ABI3BP: variants seen among roughly 807,000 people sequenced by gnomAD.
ABI3BP encodes the protein ABI family member 3 binding protein.
In ABI3BP, 216 loss-of-function variants were observed where a neutral mutation model predicts 268.6. The observed-to-expected ratio is 0.80, with a 90% CI of 0.72 to 0.90. The LOEUF is 0.90. Among genes scored for constraint, ABI3BP ranks in the 40% least tolerant of loss-of-function variants. The probability of loss-of-function intolerance (pLI) is 0.00; values close to 1 mark genes in which losing one functional copy is unlikely to be tolerated. For synonymous variants in ABI3BP, 730 were observed against 730.0 expected (o/e 1.00, Z 0.00); for missense variants, 2,090 against 2,182.4 (o/e 0.96, Z 0.84).
At chr3:100,812,603 GT>G in intron 45 of ABI3BP, 80 bp from the exon 46 acceptor site, 1 of 896,216 alleles carries the variant, frequency 1.1e-6, no homozygotes, top group Non-Finnish European at 1.5e-6. Flanking sequence ...TCCAGTAAGT[GT>G]TCAATGTTAA....
chr3:100,765,106 G>GAAA lies in ABI3BP; in HGVS notation c.4850+732_4850+734dup, dbSNP rs33912702. 8.3e-3 allele frequency among the ~76,000 whole-genome samples: 1,189 copies of GAAA among 143,636 alleles called. 9 individuals are homozygous for GAAA. Among genetic ancestry groups the GAAA allele is most frequent in the African/African-American group, 0.012 (450 of 39,104 alleles). The allele number at this position is 143,636 out of a possible 152,430, so 94.2% of individuals were successfully genotyped here. ...CAATTGATGACAATGTGAACATTAT[G>GAAA]AAAAAAAAAAAAAACTTGGAACTTC... On this transcript the variant is annotated intron_variant, in intron 63 of 67. Coordinates refer to ENST00000471714, the MANE Select transcript of ABI3BP (RefSeq NM_001375547.2).
Position 100,818,535 on chromosome 3 carries a change from T to C in ABI3BP, c.3078A>G (p.Pro1026=). 1.3e-6 allele frequency: 2 copies of C among 1,535,392 alleles called. No homozygotes were observed. Among genetic ancestry groups the C allele is most frequent in the South Asian group, 1.2e-5 (1 of 84,042 alleles). The change falls in exon 41 of 68, where the codon CCA becomes CCG. Residue 1026 remains proline (P), a synonymous_variant. Coordinates refer to ENST00000471714, the MANE Select transcript of ABI3BP (RefSeq NM_001375547.2). ...LEPGTLRTEA[P]KTMVVTTVLE... ...ACACATTCTCATTACCCATGGTTTT[T>C]GGAGCTTCAGTTCTGAGAGTACCAG...
Position 100,816,070 on chromosome 3 carries a change from A to AT in ABI3BP, c.3230-100dup, listed in dbSNP as rs532183840. 7.8e-4 allele frequency: 743 copies of AT among 947,254 alleles called. 5 individuals are homozygous for AT. The African/African-American group carries it at 0.011, about 14-fold the overall frequency. 58.7% of individuals were successfully genotyped at this position (947,254 alleles called of 1,614,324 possible). On this transcript the variant is annotated intron_variant, in intron 43 of 67. Transcript: ENST00000471714. Reference sequence around the variant, plus strand: ...AAACATGAGTTTCAAATGATACACAATTTTTTAAAACTTTTGAATTGATAG... The same window carrying AT: ...AAACATGAGTTTCAAATGATACACAATTTTTTTAAAACTTTTGAATTGATAG...
At chr3:100,876,048 A>T (rs2099158401) in intron 7 of ABI3BP, among the ~76,000 whole-genome samples, 1 of 152,206 alleles carries the variant, frequency 6.6e-6, no homozygotes, top group African/African-American at 2.4e-5. Context: ...TGTCTCTTCT[A>T]CCAAGAAACT....
intron 2 of ABI3BP, among the ~76,000 whole-genome samples, chr3:100,924,045 C>T (rs998553611): frequency 2.0e-5 from 3 of 152,038 alleles, no homozygotes; most frequent in Non-Finnish European, 4.4e-5. Context: ...TCTAATACAG[C>T]CTCTAGATCT....
chr3:100,811,158 AC>A, intron 48 of ABI3BP, 71 bp downstream of exon 48: 1 of 1,285,660 alleles, frequency 7.8e-7, no homozygotes, highest in Non-Finnish European at 1.1e-6. Flanking sequence ...AATGAGAGAG[AC>A]CCAGAGGTTC....
chr3:100,856,068 C>A (rs1476400310), intron 14 of ABI3BP, among the ~76,000 whole-genome samples: 1 of 152,220 alleles, frequency 6.6e-6, no homozygotes, highest in African/African-American at 2.4e-5. Flanking sequence ...CTCAAAGCAT[C>A]AACACCACAA....
chr3:100,986,940 C>G (rs1157496836), intron 1 of ABI3BP, among the ~76,000 whole-genome samples: 1 of 151,494 alleles, frequency 6.6e-6, no homozygotes, highest in Non-Finnish European at 1.5e-5. Flanking sequence ...TAGCATGTTC[C>G]TTCTTTAGCT....
Position 100,956,214 on chromosome 3 carries a change from A to AACAC in ABI3BP, c.80-29737_80-29734dup, listed in dbSNP as rs58723365. Among the ~76,000 whole-genome samples, 934 of 133,724 alleles carry AACAC rather than the reference A, an allele frequency of 7.0e-3. 17 individuals are homozygous for AACAC. Among genetic ancestry groups the AACAC allele is most frequent in the Admixed American group, 0.028 (368 of 13,252 alleles). The allele number at this position is 133,724 out of a possible 152,430, so 87.7% of individuals were successfully genotyped here. Reference sequence around the variant, plus strand: ...TGTCTCAAAAAAAAAAAAGAAAAACAACACACACACACACACACACACACA... The same window carrying AACAC: ...TGTCTCAAAAAAAAAAAAGAAAAACAACACACACACACACACACACACACACACA... On this transcript the variant is annotated intron_variant, in intron 1 of 67. Transcript: ENST00000471714.
intron 2 of ABI3BP, among the ~76,000 whole-genome samples, chr3:100,917,792 A>C (rs2059077840): frequency 6.6e-6 from 1 of 152,204 alleles, no homozygotes; most frequent in African/African-American, 2.4e-5. Flanking sequence ...TTATCATTTG[A>C]AGTCAAGCAG....
intron 2 of ABI3BP, chr3:100,912,175 C>G (rs533463157): frequency 3.3e-6 from 1 of 301,552 alleles, no homozygotes; most frequent in Non-Finnish European, 6.1e-6. Flanking sequence ...TCTTACCCTT[C>G]GTGCTGCCGT....
chr3:100,928,335 T>C (rs765812605), intron 1 of ABI3BP, among the ~76,000 whole-genome samples: 19 of 152,114 alleles, frequency 1.2e-4, no homozygotes, highest in Non-Finnish European at 2.6e-4. Context: ...CTATTTCTCA[T>C]TAATCAAAGA....
At chr3:100,880,797 A>G (rs1323999316) in intron 6 of ABI3BP, among the ~76,000 whole-genome samples, 7 of 152,224 alleles carry the variant, frequency 4.6e-5, no homozygotes, top group Non-Finnish European at 1.0e-4. Context: ...ATTGAAAATT[A>G]GCTGTAATAA....
chr3:100,934,668 C>T (rs1005831323), intron 1 of ABI3BP, among the ~76,000 whole-genome samples: 2 of 151,826 alleles, frequency 1.3e-5, no homozygotes, highest in African/African-American at 4.8e-5. Context: ...TTTTAATGAT[C>T]ACCATTCTAA....
At chr3:100,968,834 C>T (rs1018319388) in intron 1 of ABI3BP, among the ~76,000 whole-genome samples, 2 of 152,130 alleles carry the variant, frequency 1.3e-5, no homozygotes, top group African/African-American at 2.4e-5. Context: ...TGCTATCCCT[C>T]CCCTAGCCCC....
In ABI3BP at chr3:100,818,598, A is replaced by G; in HGVS notation, c.3032-17T>C. 6.5e-7 allele frequency: 1 copy of G among 1,529,088 alleles called. No homozygotes were observed. The highest frequency in any genetic ancestry group is 8.8e-7 in the Non-Finnish European group (1 of 1,140,602). The allele number at this position is 1,529,088 out of a possible 1,614,324, so 94.7% of individuals were successfully genotyped here. The stretch of plus-strand genomic sequence containing the variant: ...TAGAAGGAACTAATTAAAAGCAATG[A>G]AATAAACTTGTGAAAAGCCAGTAAA... On this transcript the variant is annotated splice_polypyrimidine_tract_variant and intron_variant, in intron 40 of 67. Transcript: ENST00000471714.
chr3:100,832,235 A>G (rs763463739), intron 31 of ABI3BP, 29 bp downstream of exon 31: 4 of 1,529,388 alleles, frequency 2.6e-6, no homozygotes, highest in Non-Finnish European at 3.5e-6. Context: ...GACTGCTTGG[A>G]TTCTACAAAA....
chr3:100,837,041 G>GTGCA, intron 27 of ABI3BP, 83 bp downstream of exon 27: 1 of 1,271,728 alleles, frequency 7.9e-7, no homozygotes, highest in Non-Finnish European at 1.1e-6. Flanking sequence ...AATGACAATT[G>GTGCA]TGCATATTAT....
intron 1 of ABI3BP, among the ~76,000 whole-genome samples, chr3:100,933,712 A>T (rs2064704472): frequency 6.6e-6 from 1 of 151,776 alleles, no homozygotes; most frequent in African/African-American, 2.4e-5. Flanking sequence ...GAAAGAAAAA[A>T]CATGAAAAAA....
Sources: gnomAD v4.1 joint callset for allele counts (sites outside exome capture counted in the v4.1 genomes callset) on GRCh38, gnomAD v4.1.1 for gene constraint, MANE v1.5 for transcripts, NCBI Gene and HGNC (gene_info 2026-07-23, HGNC 2026-07-21) for gene names.